The following IGF2BP3 variants were observed in gnomAD, a reference collection of about 807,000 sequenced individuals.
IGF2BP3 encodes insulin like growth factor 2 mRNA binding protein 3.
A neutral mutation model predicts 73.8 loss-of-function variants in IGF2BP3; 9 were observed. The observed-to-expected ratio is 0.12, with a 90% CI of 0.07 to 0.21. IGF2BP3 has a LOEUF of 0.21. Ranked by LOEUF, IGF2BP3 falls within the 10% of genes least tolerant of loss-of-function variation. The pLI is 1.00. For missense variants in IGF2BP3, 542 were observed against 714.0 expected (o/e 0.76, Z 2.75); for synonymous variants, 258 against 256.7 (o/e 1.01, Z -0.05).
At chr7:23,326,510 A>C (rs535306473) in intron 10 of IGF2BP3, among the ~76,000 whole-genome samples, 101 of 151,306 alleles carry the variant, frequency 6.7e-4, no homozygotes, top group African/African-American at 2.1e-3. Flanking sequence ...TCAGTGTGGC[A>C]ATTCCTCAGG....
Position 23,351,468 on chromosome 7 carries a change from G to A in IGF2BP3, c.520C>T (p.Leu174Phe). The A allele has an allele frequency of 1.2e-6, 2 of 1,613,872 alleles. No homozygotes were observed. Residue 174 changes from leucine (L) to phenylalanine (F), a missense_variant, in exon 6 of 15, where the codon CTT (leucine) becomes TTT (phenylalanine). Physicochemically the swap from Leu to Phe is conservative, Grantham distance 22. Around this residue, in one of 2 missense-constraint regions of IGF2BP3, gnomAD observed 239 missense variants for 241.9 expected, o/e 0.99. Coordinates refer to ENST00000258729, the MANE Select transcript of IGF2BP3 (RefSeq NM_006547.3). ...TGCCTTGAGGAGCCCCTCTGCCCAAGCCCCCGGCGACCTCGGGGCTGCTGC... is the reference window on the plus strand; with the variant it reads ...TGCCTTGAGGAGCCCCTCTGCCCAAACCCCCGGCGACCTCGGGGCTGCTGC... The part of the protein sequence containing the change: ...PLQQPRGRRG[L>F]GQRGSSRQGS...
At chr7:23,372,282 C>T (rs966732618) in intron 3 of IGF2BP3, among the ~76,000 whole-genome samples, 11 of 152,216 alleles carry the variant, frequency 7.2e-5, no homozygotes, top group Middle Eastern at 6.8e-3. Flanking sequence ...ACTATGTTGG[C>T]CAGGCTGGCC....
chr7:23,402,605 G>A (rs748716521), intron 3 of IGF2BP3: 3 of 152,212 alleles, frequency 2.0e-5, no homozygotes, highest in East Asian at 1.9e-4. Flanking sequence ...GAAAAAGAGT[G>A]AGATGAAGAT....
chr7:23,465,874 T>C (rs1788555347), intron 2 of IGF2BP3, among the ~76,000 whole-genome samples: 1 of 152,120 alleles, frequency 6.6e-6, no homozygotes, highest in Admixed American at 6.6e-5. Flanking sequence ...TTCCCTTAGG[T>C]GCTGGGCATG....
At chr7:23,458,463 A>G (rs1342914132) in intron 2 of IGF2BP3, among the ~76,000 whole-genome samples, 1 of 152,078 alleles carries the variant, frequency 6.6e-6, no homozygotes, top group East Asian at 1.9e-4. Flanking sequence ...AAAACTTGCT[A>G]ACAAGCTGAG....
intron 6 of IGF2BP3, among the ~76,000 whole-genome samples, chr7:23,349,639 G>A (rs1784911102): frequency 6.6e-6 from 1 of 152,162 alleles, no homozygotes; most frequent in East Asian, 1.9e-4. Flanking sequence ...TTCCAGAAAC[G>A]AGGTTCTGAT....
chr7:23,416,016 A>C (rs1367044870), intron 3 of IGF2BP3: 1 of 152,232 alleles, frequency 6.6e-6, no homozygotes, highest in Non-Finnish European at 1.5e-5. Context: ...CACTGTTTTA[A>C]AGGCTTTATC....
At chr7:23,365,947 CTA>C (rs1583941354) in intron 3 of IGF2BP3, 1 of 152,166 alleles carries the variant, frequency 6.6e-6, no homozygotes, top group Non-Finnish European at 1.5e-5. Context: ...TTTCAAAAAT[CTA>C]TAGTCAGTCA....
intron 5 of IGF2BP3, among the ~76,000 whole-genome samples, chr7:23,359,338 C>T (rs1303467690): frequency 6.6e-6 from 1 of 152,202 alleles, no homozygotes; most frequent in Non-Finnish European, 1.5e-5. Context: ...TATGCCTCTT[C>T]AAATCTACAT....
chr7:23,464,177 T>A (rs1788511393), intron 2 of IGF2BP3, among the ~76,000 whole-genome samples: 1 of 152,234 alleles, frequency 6.6e-6, no homozygotes. Flanking sequence ...GTCATGACAC[T>A]AGCCTATTCT....
At position 23,351,369 on chromosome 7, in the gene IGF2BP3, C is replaced by T. The variant is rs1784955759; in HGVS notation, c.619G>A (p.Val207Ile). 1.9e-6 allele frequency: 3 copies of T among 1,613,850 alleles called. No homozygotes were observed. Among genetic ancestry groups the T allele is most frequent in the Non-Finnish European group, 2.5e-6 (3 of 1,179,892 alleles). ...CCTTCTTTTCCTATGATGGCTCCAACAAATTGGGTGGGAACCAGCAGGCGC... is the reference window on the plus strand; with the variant it reads ...CCTTCTTTTCCTATGATGGCTCCAATAAATTGGGTGGGAACCAGCAGGCGC... ...PLRLLVPTQFVGAIIGKEGAT... is the reference protein window; with the variant it reads ...PLRLLVPTQFIGAIIGKEGAT... The change falls in exon 6 of 15, where the codon GTT becomes ATT. Residue 207 changes from valine to isoleucine, a missense_variant. Transcript: ENST00000258729.
chr7:23,444,603 C>T (rs939727881), intron 2 of IGF2BP3, among the ~76,000 whole-genome samples: 1 of 151,838 alleles, frequency 6.6e-6, no homozygotes, highest in Admixed American at 6.6e-5. Flanking sequence ...ATTAGCTGAG[C>T]ATGGTGGTAA....
chr7:23,376,161 A>G (rs1471878104), intron 3 of IGF2BP3, among the ~76,000 whole-genome samples: 1 of 152,244 alleles, frequency 6.6e-6, no homozygotes, highest in Non-Finnish European at 1.5e-5. Context: ...ACAGATGCTA[A>G]CATCAACATA....
chr7:23,397,488 C>T (rs1030457145), intron 3 of IGF2BP3, among the ~76,000 whole-genome samples: 1 of 152,208 alleles, frequency 6.6e-6, no homozygotes, highest in African/African-American at 2.4e-5. Context: ...TCAAACTGGC[C>T]TTATACCAAC....
At chr7:23,315,823 A>AT (rs1783974750) in intron 12 of IGF2BP3, among the ~76,000 whole-genome samples, 1 of 152,210 alleles carries the variant, frequency 6.6e-6, no homozygotes. Context: ...AAAGTAAAAC[A>AT]TTCATTTAGC....
At chr7:23,413,022 G>C (rs1399364603) in intron 3 of IGF2BP3, among the ~76,000 whole-genome samples, 1 of 150,548 alleles carries the variant, frequency 6.6e-6, no homozygotes, top group Admixed American at 6.6e-5. Flanking sequence ...ACCACACCCG[G>C]CTAATTTCTG....
intron 10 of IGF2BP3, among the ~76,000 whole-genome samples, chr7:23,333,994 A>T (rs925724584): frequency 6.6e-6 from 1 of 152,164 alleles, no homozygotes; most frequent in East Asian, 1.9e-4. Flanking sequence ...AACTTTTGCC[A>T]ATCATTAAAT....
rs1562661108 is a variant in IGF2BP3 at position 23,311,390 on chromosome 7, GCATT to G, written c.*968_*971del. On this transcript the variant is annotated 3_prime_UTR_variant, in exon 15 of 15. Transcript: ENST00000258729. ...GTCAGAAGCACAAAGCATTTATTAT[GCATT>G]CAATCATGTAGCTAAACAAAAAACT... 1 of 152,578 alleles carries G rather than the reference GCATT, an allele frequency of 6.6e-6. No homozygotes were observed. The highest frequency in any genetic ancestry group is 2.4e-5 in the African/African-American group (1 of 41,438). 9.5% of individuals were successfully genotyped at this position (152,578 alleles called of 1,614,324 possible). A position where few individuals can be genotyped will look rare whatever the true frequency, so the allele number is the denominator to read the frequency against.
rs1784957137 is a variant in IGF2BP3, at chr7:23,351,416, T to C, written c.572A>G (p.Gln191Arg). ...GCGCAGAGGCAAATCACATGGTTTC[T>C]GCTTGGATACGGATCCTGGAGACCC... ...RQGSPGSVSK[Q>R]KPCDLPLRLL... Residue 191 changes from glutamine to arginine, a missense_variant, in exon 6 of 15, where the codon CAG becomes CGG. Coordinates refer to ENST00000258729, the MANE Select transcript of IGF2BP3 (RefSeq NM_006547.3). The C allele has an allele frequency of 6.2e-7, 1 of 1,613,800 alleles. No homozygotes were observed. The highest frequency in any genetic ancestry group is 8.5e-7 in the Non-Finnish European group (1 of 1,179,872).
Sources: allele counts gnomAD v4.1 joint callset (sites outside exome capture counted in the v4.1 genomes callset), GRCh38; gene constraint gnomAD v4.1.1; regional missense constraint gnomAD v4.1.1; transcripts MANE v1.5; gene names NCBI Gene and HGNC (gene_info 2026-07-23, HGNC 2026-07-21).